SHANK2: variants seen among roughly 807,000 people sequenced by gnomAD.
SHANK2 encodes the protein SH3 and multiple ankyrin repeat domains protein 2.
In SHANK2, 43 loss-of-function variants were observed where a neutral mutation model predicts 133.7. The observed-to-expected ratio is 0.32, with a 90% CI of 0.25 to 0.41. The LOEUF is 0.41. Ranked by LOEUF, SHANK2 falls within the 10% of genes least tolerant of loss-of-function variation. The pLI is 1.00. For missense variants in SHANK2, 1,994 were observed against 2,235.8 expected (o/e 0.89, Z 2.18); for synonymous variants, 1,017 against 952.8 (o/e 1.07, Z -1.24).
chr11:70,872,127 C>T (rs933490705), intron 11 of SHANK2: 6 of 154,446 alleles, frequency 3.9e-5, no homozygotes, highest in Middle Eastern at 5.2e-4. Context: ...TTGCCAATTG[C>T]GGGAGGAGTC....
intron 6 of SHANK2, among the ~76,000 whole-genome samples, chr11:71,107,992 T>C (rs4944840): frequency 0.55 from 84,042 of 151,966 alleles, 23,359 homozygotes; most frequent in South Asian, 0.66. Flanking sequence ...GCATCAGAAA[T>C]AGCCCTCGAC....
intron 14 of SHANK2, among the ~76,000 whole-genome samples, chr11:70,795,754 G>A (rs1013217734): frequency 1.3e-5 from 2 of 152,164 alleles, no homozygotes; most frequent in African/African-American, 4.8e-5. Context: ...CAGAAGGGAG[G>A]GTTGGAGAGA....
At chr11:71,133,744 G>C (rs1285056790) in intron 3 of SHANK2, among the ~76,000 whole-genome samples, 1 of 152,096 alleles carries the variant, frequency 6.6e-6, no homozygotes, top group African/African-American at 2.4e-5. Context: ...TTCTGCCCAA[G>C]TCCTTTTTGA....
chr11:70,629,934 C>G (rs1267060119), intron 17 of SHANK2, among the ~76,000 whole-genome samples: 1 of 152,214 alleles, frequency 6.6e-6, no homozygotes, highest in Admixed American at 6.5e-5. Flanking sequence ...GCTACAAAAC[C>G]CCTTTTCTCA....
At chr11:70,481,251 C>T (rs782043494) in intron 25 of SHANK2, among the ~76,000 whole-genome samples, 11 of 152,264 alleles carry the variant, frequency 7.2e-5, no homozygotes, top group Admixed American at 6.5e-5. Flanking sequence ...ACTTCATCAT[C>T]TTCCTTTCGT....
intron 6 of SHANK2, among the ~76,000 whole-genome samples, chr11:71,098,809 G>A (rs1369623405): frequency 6.6e-6 from 1 of 152,058 alleles, no homozygotes; most frequent in East Asian, 1.9e-4. Context: ...GTCCTCAGGG[G>A]GTGATGCGTA....
Position 70,486,678 on chromosome 11 carries a change from G to A in SHANK2, c.3615C>T (p.Leu1205=). Residue 1205 remains leucine, a synonymous_variant, in exon 25 of 26, where the codon CTC becomes CTT. Coordinates refer to ENST00000601538, the MANE Select transcript of SHANK2 (RefSeq NM_012309.5). This position sits in a 1 kb window ranked among gnomAD's most constrained non-coding sequence, Gnocchi z 8.0. ...AGCTGGGATCAAGCAGCCGCCCTGT[G>A]AGTGGGTGGACATAATTCCCGGGGC... ...TAGPGNYVHP[L]TGRLLDPSSP... The A allele has an allele frequency of 6.2e-7, 1 of 1,611,586 alleles. No individual in the cohort carries two copies. Among genetic ancestry groups the A allele is most frequent in the Non-Finnish European group, 8.5e-7 (1 of 1,180,000 alleles).
chr11:70,567,031 G>C (rs535891024), intron 17 of SHANK2, among the ~76,000 whole-genome samples: 1 of 152,314 alleles, frequency 6.6e-6, no homozygotes, highest in South Asian at 2.1e-4. Context: ...CTCGAGGCTG[G>C]AGGAATGCTT....
At chr11:70,854,341 A>C (rs1949135734) in intron 11 of SHANK2, among the ~76,000 whole-genome samples, 1 of 152,220 alleles carries the variant, frequency 6.6e-6, no homozygotes, top group Non-Finnish European at 1.5e-5. Context: ...AGCAGAGAGA[A>C]GGCTGCTGGC....
intron 6 of SHANK2, among the ~76,000 whole-genome samples, chr11:71,108,288 T>A (rs1286510273): frequency 6.6e-6 from 1 of 152,144 alleles, no homozygotes; most frequent in Non-Finnish European, 1.5e-5. Flanking sequence ...GGAAAGATGG[T>A]CGGCCAGGGC....
rs1946226395 is a variant in SHANK2 at position 70,728,888 on chromosome 11, G to A, written c.1778-30125C>T. On this transcript the variant is annotated intron_variant, in intron 14 of 25. Coordinates refer to ENST00000601538, the MANE Select transcript of SHANK2 (RefSeq NM_012309.5). ...TCCCAGTGGGAGATGGTGCAGCACG[G>A]ACTGACTGGTGTTGGCACCTGAGAA... Among the ~76,000 whole-genome samples, 3 of 152,184 alleles carry A rather than the reference G, an allele frequency of 2.0e-5. No homozygotes were observed. The South Asian group carries it at 6.2e-4, about 32-fold the overall frequency.
chr11:70,543,604 C>T (rs1330021300), intron 17 of SHANK2, among the ~76,000 whole-genome samples: 1 of 152,222 alleles, frequency 6.6e-6, no homozygotes, highest in Non-Finnish European at 1.5e-5. Flanking sequence ...ACGCCTTCCC[C>T]TGTACCTCAC....
At chr11:70,608,097 C>T (rs893392160) in intron 17 of SHANK2, among the ~76,000 whole-genome samples, 1 of 152,192 alleles carries the variant, frequency 6.6e-6, no homozygotes, top group Non-Finnish European at 1.5e-5. Flanking sequence ...GGTAAATGTG[C>T]CAGCTGCTCT....
rs71049937 is a variant in SHANK2 at position 70,753,811 on chromosome 11, A to ACTGTGTGTGTGTGTGTGTGTGTGT, written c.1777+44631_1777+44632insACACACACACACACACACACACAG. Among the ~76,000 whole-genome samples the ACTGTGTGTGTGTGTGTGTGTGTGT allele has an allele frequency of 8.9e-3, 1,288 of 144,782 alleles. 72 individuals carry two copies. Among genetic ancestry groups the ACTGTGTGTGTGTGTGTGTGTGTGT allele is most frequent in the African/African-American group, 0.029 (1,110 of 38,250 alleles). 95.0% of individuals were successfully genotyped at this position (144,782 alleles called of 152,430 possible). A position where few individuals can be genotyped will look rare whatever the true frequency, so the allele number is the denominator to read the frequency against. ...TGTCTTACATCTATTAAAGATATTAAGTGTGTGTGTGTGTGTTTGAGACAG... is the reference window on the plus strand; with the variant it reads ...TGTCTTACATCTATTAAAGATATTAACTGTGTGTGTGTGTGTGTGTGTGTGTGTGTGTGTGTGTGTTTGAGACAG... On this transcript the variant is annotated intron_variant, in intron 14 of 25. Transcript: ENST00000601538.
chr11:71,067,827 C>T (rs1013502497), intron 9 of SHANK2, among the ~76,000 whole-genome samples: 53 of 143,096 alleles, frequency 3.7e-4, no homozygotes, highest in Admixed American at 3.6e-3. Context: ...TCACCACTAC[C>T]ACCACCATCG....
At chr11:70,556,348 C>A (rs1265674742) in intron 17 of SHANK2, among the ~76,000 whole-genome samples, 1 of 152,128 alleles carries the variant, frequency 6.6e-6, no homozygotes, top group Admixed American at 6.6e-5. Flanking sequence ...AAGCACTTAA[C>A]GTGCAGCCTG....
At chr11:71,092,614 T>C in intron 7 of SHANK2, 25 bp from the exon 8 acceptor site, 2 of 1,548,332 alleles carry the variant, frequency 1.3e-6, no homozygotes, top group African/African-American at 1.4e-5. Flanking sequence ...TTGAAAGCCG[T>C]CGTTATTGGT....
intron 1 of SHANK2, among the ~76,000 whole-genome samples, chr11:71,230,045 T>C (rs1360023776): frequency 6.6e-6 from 1 of 152,208 alleles, no homozygotes; most frequent in African/African-American, 2.4e-5. Flanking sequence ...TTCAGCACTT[T>C]GAGAGGCCAA....
At chr11:70,842,297 A>T (rs943365959) in intron 11 of SHANK2, among the ~76,000 whole-genome samples, 8 of 152,056 alleles carry the variant, frequency 5.3e-5, no homozygotes, top group African/African-American at 1.9e-4. Context: ...AGAGACAGAC[A>T]CTCCAGGGAA....
Sources: gnomAD v4.1 joint callset for allele counts (sites outside exome capture counted in the v4.1 genomes callset) on GRCh38, gnomAD v4.1.1 for gene constraint, Gnocchi (gnomAD v3.1) non-coding constraint, MANE v1.5 for transcripts, NCBI Gene and HGNC (gene_info 2026-07-23, HGNC 2026-07-21) for gene names.